DAB1: variants seen among roughly 807,000 people sequenced by gnomAD.
DAB1 encodes disabled homolog 1.
Under a neutral mutation model 64.6 loss-of-function variants are expected in DAB1, and 15 were observed. The observed-to-expected ratio is 0.23, with a 90% CI of 0.16 to 0.36. The LOEUF (loss-of-function observed/expected upper bound fraction) is 0.36. DAB1 is among the 10% of genes least tolerant of loss of function. The probability of loss-of-function intolerance (pLI) is 1.00; values close to 1 mark genes in which losing one functional copy is unlikely to be tolerated. For missense variants in DAB1, 596 were observed against 706.7 expected (o/e 0.84, Z 1.78); for synonymous variants, 235 against 251.9 (o/e 0.93, Z 0.64).
At chr1:58,316,890 T>C (rs1662569185) in intron 4 of DAB1, among the ~76,000 whole-genome samples, 1 of 152,228 alleles carries the variant, frequency 6.6e-6, no homozygotes, top group Non-Finnish European at 1.5e-5. Flanking sequence ...AGTTTTTCTA[T>C]TCTGAGTTGT....
chr1:57,142,315 G>C (rs946886172), intron 3 of DAB1, among the ~76,000 whole-genome samples: 1 of 152,038 alleles, frequency 6.6e-6, no homozygotes, highest in Non-Finnish European at 1.5e-5. Context: ...CTTTTTGGAA[G>C]GGTAAGAGGT....
At chr1:58,442,529 G>A (rs1449373053) in intron 3 of DAB1, among the ~76,000 whole-genome samples, 1 of 152,166 alleles carries the variant, frequency 6.6e-6, no homozygotes, top group Non-Finnish European at 1.5e-5. Context: ...CAAATGCCCA[G>A]TAGAATGTTA....
At chr1:58,542,996 A>C (rs1421736965) in intron 1 of DAB1, among the ~76,000 whole-genome samples, 1 of 152,178 alleles carries the variant, frequency 6.6e-6, no homozygotes, top group African/African-American at 2.4e-5. Context: ...TTTTTAAAAA[A>C]AAAAAAGTGG....
chr1:57,825,289 G>T (rs1269371716), downstream of DAB1, among the ~76,000 whole-genome samples: 2 of 152,182 alleles, frequency 1.3e-5, no homozygotes, highest in African/African-American at 4.8e-5. Context: ...TGAAACAGCA[G>T]ATTTTGGATG....
chr1:57,002,132 T>C (rs1371196505), intron 14 of DAB1, among the ~76,000 whole-genome samples: 3 of 152,198 alleles, frequency 2.0e-5, no homozygotes, highest in African/African-American at 7.2e-5. Flanking sequence ...TATTTTTAGA[T>C]AACAGAGTAG....
At chr1:57,417,779 C>A (rs1039788297) in intron 1 of DAB1, among the ~76,000 whole-genome samples, 11 of 152,086 alleles carry the variant, frequency 7.2e-5, no homozygotes, top group Admixed American at 4.6e-4. Flanking sequence ...ATTAAAAAAA[C>A]CCATTTTGAT....
chr1:57,257,611 G>A (rs552507005), intron 2 of DAB1, among the ~76,000 whole-genome samples: 3 of 152,250 alleles, frequency 2.0e-5, no homozygotes, highest in Admixed American at 2.0e-4. Context: ...CTATGTGATT[G>A]TAATAAATTC....
chr1:57,170,262 G>A (rs1661618467), intron 2 of DAB1, among the ~76,000 whole-genome samples: 1 of 152,116 alleles, frequency 6.6e-6, no homozygotes. Flanking sequence ...GCCTTCCAAA[G>A]TGCTGGGATT....
intron 4 of DAB1, among the ~76,000 whole-genome samples, chr1:58,156,812 G>T (rs1004675470): frequency 1.3e-5 from 2 of 152,180 alleles, no homozygotes. Flanking sequence ...AAATCATGCT[G>T]CACAAGGAGA....
At chr1:57,492,240 T>C (rs1383710988) in intron 7 of DAB1, among the ~76,000 whole-genome samples, 1 of 152,176 alleles carries the variant, frequency 6.6e-6, no homozygotes, top group African/African-American at 2.4e-5. Flanking sequence ...TAATGAACAG[T>C]GTACTGAATA....
intron 7 of DAB1, among the ~76,000 whole-genome samples, chr1:57,499,439 A>C (rs1215440327): frequency 6.6e-6 from 1 of 152,324 alleles, no homozygotes; most frequent in East Asian, 1.9e-4. Flanking sequence ...AGATATATTT[A>C]TCGCACAGAG....
At chr1:58,442,200 C>A (rs1156335349) in intron 3 of DAB1, among the ~76,000 whole-genome samples, 1 of 152,170 alleles carries the variant, frequency 6.6e-6, no homozygotes, top group East Asian at 1.9e-4. Context: ...CATGTGAACC[C>A]TCAAACCCAA....
intron 3 of DAB1, among the ~76,000 whole-genome samples, chr1:58,347,579 GGA>G (rs1328839273): frequency 6.6e-6 from 1 of 152,188 alleles, no homozygotes; most frequent in African/African-American, 2.4e-5. Flanking sequence ...ACAAGGTGGA[GGA>G]GAACCACCTT....
chr1:57,120,835 C>T (rs1656570811), intron 4 of DAB1, among the ~76,000 whole-genome samples: 1 of 152,258 alleles, frequency 6.6e-6, no homozygotes, highest in Middle Eastern at 3.4e-3. Flanking sequence ...GTGTATAGCA[C>T]ATTTTGTTTA....
chr1:57,480,440 G>A (rs1644002331), intron 7 of DAB1, among the ~76,000 whole-genome samples: 1 of 152,018 alleles, frequency 6.6e-6, no homozygotes, highest in Non-Finnish European at 1.5e-5. Flanking sequence ...ACTGTCCAAA[G>A]ATTCTGATAC....
upstream of DAB1, among the ~76,000 whole-genome samples, chr1:57,886,035 T>C (rs185239381): frequency 2.0e-5 from 3 of 152,354 alleles, no homozygotes; most frequent in South Asian, 2.1e-4. Context: ...AAAAACATAA[T>C]GGAATTTTCC....
At chr1:58,205,426 G>A (rs971235399) in intron 4 of DAB1, among the ~76,000 whole-genome samples, 2 of 152,170 alleles carry the variant, frequency 1.3e-5, no homozygotes, top group Non-Finnish European at 2.9e-5. Flanking sequence ...GCAAGAATGT[G>A]TGATTTTCAA....
At chr1:57,406,770 C>T (rs893786427) in intron 1 of DAB1, among the ~76,000 whole-genome samples, 1 of 152,158 alleles carries the variant, frequency 6.6e-6, no homozygotes, top group East Asian at 1.9e-4. Context: ...AGAAAGGATC[C>T]GAATCCTGTG....
intron 5 of DAB1, among the ~76,000 whole-genome samples, chr1:57,985,061 C>A (rs1444619986): frequency 6.6e-6 from 1 of 152,098 alleles, no homozygotes; most frequent in Non-Finnish European, 1.5e-5. Context: ...GCGCACGCCA[C>A]CAGGCCCAAC....
Sources: allele counts gnomAD v4.1 joint callset (sites outside exome capture counted in the v4.1 genomes callset), GRCh38; gene constraint gnomAD v4.1.1; transcripts MANE v1.5; gene names NCBI Gene and HGNC (gene_info 2026-07-23, HGNC 2026-07-21).